Variants in TBC1D22A observed in about 807,000 individuals in gnomAD.
TBC1D22A encodes the protein putative GTPase activator.
In TBC1D22A, 38 loss-of-function variants were observed where a neutral mutation model predicts 60.2. The ratio of observed to expected loss-of-function variants is 0.63; its 90% CI spans 0.49 to 0.83. The LOEUF is 0.83. TBC1D22A is among the 40% of genes least tolerant of loss of function. The pLI is 0.00. For synonymous variants in TBC1D22A, 302 were observed against 281.7 expected (o/e 1.07, Z -0.72); for missense variants, 628 against 701.0 (o/e 0.90, Z 1.18).
At chr22:47,056,596 T>G (rs2063402204) in intron 11 of TBC1D22A, among the ~76,000 whole-genome samples, 1 of 152,126 alleles carries the variant, frequency 6.6e-6, no homozygotes, top group Non-Finnish European at 1.5e-5. Context: ...CACCATCCTG[T>G]CTCCTTGTTG....
chr22:46,793,413 C>A (rs2084509343), intron 2 of TBC1D22A, 88 bp from the exon 3 acceptor site: 2 of 1,281,886 alleles, frequency 1.6e-6, no homozygotes, highest in Non-Finnish European at 2.2e-6. Flanking sequence ...CACTTCTATG[C>A]CTGTCTTTTC....
intron 9 of TBC1D22A, among the ~76,000 whole-genome samples, chr22:46,982,960 G>A (rs2074573890): frequency 6.6e-6 from 1 of 152,216 alleles, no homozygotes; most frequent in Non-Finnish European, 1.5e-5. Context: ...ATGCCGCTGC[G>A]TGGACAGCTC....
At chr22:47,060,038 G>A (rs2063516179) in intron 11 of TBC1D22A, among the ~76,000 whole-genome samples, 1 of 152,100 alleles carries the variant, frequency 6.6e-6, no homozygotes, top group Non-Finnish European at 1.5e-5. Context: ...GAGGACTCTG[G>A]GGGCTCGAGA....
chr22:47,147,811 G>C (rs1026822093), intron 12 of TBC1D22A, among the ~76,000 whole-genome samples: 2 of 152,230 alleles, frequency 1.3e-5, no homozygotes, highest in South Asian at 4.1e-4. Context: ...GGCCAGGAGG[G>C]AGGATGGGAC....
chr22:47,008,969 A>G lies in TBC1D22A; in HGVS notation c.1201+11260A>G, dbSNP rs1388068611. ...TGGGGACTAGTTTGTGGGTTAGAGG[A>G]GGAAAGGACTTATTAGAAATAATTC... is the stretch of plus-strand genomic sequence containing the variant. On this transcript the variant is annotated intron_variant, in intron 10 of 12. Coordinates refer to ENST00000337137, the MANE Select transcript of TBC1D22A (RefSeq NM_014346.5). 2.0e-5 allele frequency among the ~76,000 whole-genome samples: 3 copies of G among 152,216 alleles called. No individual in the cohort carries two copies. The East Asian group carries it at 5.8e-4, about 29-fold the overall frequency.
intron 8 of TBC1D22A, among the ~76,000 whole-genome samples, chr22:46,934,026 T>C (rs962539081): frequency 5.3e-5 from 8 of 152,238 alleles, no homozygotes; most frequent in African/African-American, 1.9e-4. Flanking sequence ...TTTAATATTT[T>C]CTTTTTTCTA....
intron 10 of TBC1D22A, among the ~76,000 whole-genome samples, chr22:47,029,768 T>C (rs1031885619): frequency 1.3e-5 from 2 of 152,154 alleles, no homozygotes. Context: ...GAGCCCCATC[T>C]CTCTCTCCTG....
chr22:46,776,771 A>G (rs569274264), intron 1 of TBC1D22A, among the ~76,000 whole-genome samples: 2 of 152,168 alleles, frequency 1.3e-5, no homozygotes, highest in Admixed American at 1.3e-4. Context: ...ACCCTGTGCC[A>G]CACTTTGCAA....
At chr22:46,929,425 A>G (rs560881748) in intron 8 of TBC1D22A, among the ~76,000 whole-genome samples, 1 of 152,214 alleles carries the variant, frequency 6.6e-6, no homozygotes, top group South Asian at 2.1e-4. Context: ...TATCTTTGGT[A>G]TTTTCTTTCC....
chr22:46,981,987 T>C (rs1203350388), intron 9 of TBC1D22A, among the ~76,000 whole-genome samples: 1 of 151,994 alleles, frequency 6.6e-6, no homozygotes, highest in Non-Finnish European at 1.5e-5. Flanking sequence ...TAGACCAAGG[T>C]CTGGGTGGGG....
chr22:47,165,948 G>A (rs1023634010), intron 12 of TBC1D22A, among the ~76,000 whole-genome samples: 4 of 152,228 alleles, frequency 2.6e-5, no homozygotes, highest in Non-Finnish European at 2.9e-5. Flanking sequence ...GCATGTCACC[G>A]TGGTGAATCC....
intron 9 of TBC1D22A, among the ~76,000 whole-genome samples, chr22:46,992,051 C>T (rs1326780455): frequency 6.6e-6 from 1 of 152,252 alleles, no homozygotes; most frequent in Non-Finnish European, 1.5e-5. Flanking sequence ...AACATTGGCT[C>T]AGCTGTCAGA....
At chr22:46,763,404 T>TG (rs2083176280) in intron 1 of TBC1D22A, 2 of 117,256 alleles carry the variant, frequency 1.7e-5, no homozygotes, top group African/African-American at 3.4e-5. Flanking sequence ...GTTTTTTTTT[T>TG]TTTTTTTTTT....
chr22:46,916,061 A>G, intron 8 of TBC1D22A: 2 of 399,296 alleles, frequency 5.0e-6, no homozygotes, highest in South Asian at 3.9e-5. Context: ...GGACATATGC[A>G]TGTAGTGAAT....
intron 11 of TBC1D22A, among the ~76,000 whole-genome samples, chr22:47,095,289 A>G (rs536276018): frequency 6.6e-6 from 1 of 152,386 alleles, no homozygotes; most frequent in South Asian, 2.1e-4. Context: ...AACCACATCT[A>G]TGTAAATACG....
chr22:47,126,158 T>C (rs2066448771), intron 12 of TBC1D22A, among the ~76,000 whole-genome samples: 2 of 152,208 alleles, frequency 1.3e-5, no homozygotes, highest in Admixed American at 6.5e-5. Context: ...ATTTTTGAAT[T>C]TTTAGTAGAG....
rs147423687 is a variant in TBC1D22A, at chr22:46,903,931, G to A, written c.901-8143G>A. On this transcript the variant is annotated intron_variant, in intron 7 of 12. Transcript: ENST00000337137. Reference sequence around the variant, plus strand: ...GCTGCTGCCGAGTGCCCCGCTGCCCGTGGACGCACCTTCAAGGGAGGTGGC... The same window carrying A: ...GCTGCTGCCGAGTGCCCCGCTGCCCATGGACGCACCTTCAAGGGAGGTGGC... Among the ~76,000 whole-genome samples, 20 of 152,282 alleles carry A rather than the reference G, an allele frequency of 1.3e-4. No individual in the cohort carries two copies. The East Asian group carries it at 1.4e-3, about 10-fold the overall frequency.
chr22:46,895,660 C>G (rs1292428348), intron 7 of TBC1D22A, among the ~76,000 whole-genome samples: 1 of 152,248 alleles, frequency 6.6e-6, no homozygotes, highest in South Asian at 2.1e-4. Flanking sequence ...GTGTGAGCCA[C>G]GGCGCCCGGC....
chr22:47,045,452 C>T (rs944547939), intron 11 of TBC1D22A, among the ~76,000 whole-genome samples: 1 of 152,162 alleles, frequency 6.6e-6, no homozygotes, highest in African/African-American at 2.4e-5. Flanking sequence ...TAGTGGGTGA[C>T]CAGTCTGAAT....
Sources: allele counts gnomAD v4.1 joint callset (sites outside exome capture counted in the v4.1 genomes callset), GRCh38; gene constraint gnomAD v4.1.1; transcripts MANE v1.5; gene names NCBI Gene and HGNC (gene_info 2026-07-23, HGNC 2026-07-21).